LAMA2: variants seen among roughly 807,000 people sequenced by gnomAD.
The protein encoded by LAMA2 is laminin subunit alpha-2.
In LAMA2, 269 loss-of-function variants were observed where a neutral mutation model predicts 364.8. The observed-to-expected ratio is 0.74, with a 90% CI of 0.67 to 0.82. The LOEUF (loss-of-function observed/expected upper bound fraction) is 0.82, where lower values mean the gene tolerates loss of function less well. Among genes scored for constraint, LAMA2 ranks in the 40% least tolerant of loss-of-function variants. LAMA2 has a pLI of 0.00. For missense variants in LAMA2, 3,807 were observed against 3,873.2 expected, an observed-to-expected ratio of 0.98 and a Z score of 0.45; for synonymous variants, 1,379 against 1,370.6, an observed-to-expected ratio of 1.01 and a Z score of -0.14.
At chr6:129,311,091 C>G (rs983512538) in intron 22 of LAMA2, among the ~76,000 whole-genome samples, 1 of 151,912 alleles carries the variant, frequency 6.6e-6, no homozygotes, top group Non-Finnish European at 1.5e-5. Context: ...CCACTGGGCT[C>G]CCGTGCTAAA....
At chr6:128,960,481 C>G (rs1212554531) in intron 1 of LAMA2, among the ~76,000 whole-genome samples, 1 of 151,396 alleles carries the variant, frequency 6.6e-6, no homozygotes, top group African/African-American at 2.4e-5. Context: ...CCGCCGACCC[C>G]CATGAGTAGC....
chr6:129,005,183 T>C (rs1255497160), intron 1 of LAMA2, among the ~76,000 whole-genome samples: 2 of 152,076 alleles, frequency 1.3e-5, no homozygotes, highest in Non-Finnish European at 2.9e-5. Flanking sequence ...TAGTTAATTG[T>C]CAGTTTTTAT....
At chr6:129,159,742 T>A (rs1779344956) in intron 8 of LAMA2, among the ~76,000 whole-genome samples, 1 of 152,180 alleles carries the variant, frequency 6.6e-6, no homozygotes, top group African/African-American at 2.4e-5. Context: ...CATATTTTTT[T>A]ATGGACACCC....
At chr6:129,205,497 C>T (rs35764921) in intron 12 of LAMA2, among the ~76,000 whole-genome samples, 14,695 of 86,878 alleles carry the variant, frequency 0.17, 969 homozygotes, top group African/African-American at 0.3. Flanking sequence ...TATATATACA[C>T]ACACACACAC....
intron 62 of LAMA2, among the ~76,000 whole-genome samples, chr6:129,509,197 A>G (rs1037060229): frequency 6.6e-6 from 1 of 152,030 alleles, no homozygotes; most frequent in African/African-American, 2.4e-5. Flanking sequence ...TTTAAATAGG[A>G]TTATTAGATT....
Position 128,883,559 on chromosome 6 carries a change from C to A in LAMA2, c.112+202C>A, listed in dbSNP as rs567510152. On this transcript the variant is annotated intron_variant, in intron 1 of 64. Coordinates refer to ENST00000421865, the MANE Select transcript of LAMA2 (RefSeq NM_000426.4). ...TGTAGGGGGAATTACCTAAGTCCTG[C>A]AAAAGGAACGGGGAGTGCTTTTCAT... 2.0e-5 allele frequency among the ~76,000 whole-genome samples: 3 copies of A among 151,700 alleles called. No homozygotes were observed. The East Asian group carries it at 5.8e-4, about 29-fold the overall frequency.
intron 17 of LAMA2, among the ~76,000 whole-genome samples, chr6:129,274,387 A>G (rs1788156082): frequency 6.6e-6 from 1 of 151,900 alleles, no homozygotes; most frequent in Non-Finnish European, 1.5e-5. Context: ...AATCCTGAAG[A>G]CGAGATTTTA....
chr6:129,401,842 T>TATG (rs35131309), intron 38 of LAMA2, among the ~76,000 whole-genome samples: 1 of 38,000 alleles, frequency 2.6e-5, no homozygotes, highest in Admixed American at 2.2e-4. Flanking sequence ...TTTCCTAGTC[T>TATG]ATTCCATTAA....
chr6:129,065,612 A>G (rs968356547), intron 3 of LAMA2, among the ~76,000 whole-genome samples: 1 of 152,222 alleles, frequency 6.6e-6, no homozygotes, highest in African/African-American at 2.4e-5. Flanking sequence ...TAAACTAACG[A>G]GGAACTATCT....
chr6:129,510,838 C>T (rs1247184212), intron 62 of LAMA2, among the ~76,000 whole-genome samples: 3 of 152,032 alleles, frequency 2.0e-5, no homozygotes, highest in African/African-American at 7.2e-5. Context: ...ACCCCACCTA[C>T]AGGGAAGCAG....
chr6:129,502,593 C>G (rs1215002222), intron 58 of LAMA2, 66 bp from the exon 59 acceptor site: 1 of 965,466 alleles, frequency 1.0e-6, no homozygotes, highest in African/African-American at 1.6e-5. Context: ...AACAATTAGA[C>G]AGCATCATTA....
At position 129,402,399 on chromosome 6, in the gene LAMA2, G is replaced by A; in HGVS notation, c.5638G>A (p.Glu1880Lys). The A allele has an allele frequency of 1.2e-6, 2 of 1,614,006 alleles. No individual in the cohort carries two copies. The highest frequency in any genetic ancestry group is 8.5e-7 in the Non-Finnish European group (1 of 1,179,952). The change falls in exon 39 of 65, where the codon GAA becomes AAA. Residue 1880 changes from glutamate to lysine, a missense_variant. Coordinates refer to ENST00000421865, the MANE Select transcript of LAMA2 (RefSeq NM_000426.4). Reference protein sequence around the residue: ...LNDKIDDLSQEIKDRKLAEKV... With the variant: ...LNDKIDDLSQKIKDRKLAEKV... ...TGATAAAATAGATGACCTCTCCCAA[G>A]AAATAAAGGACAGGAAGCTTGCTGA... is the stretch of plus-strand genomic sequence containing the variant.
At chr6:129,081,495 G>A (rs1297330221) in intron 3 of LAMA2, among the ~76,000 whole-genome samples, 1 of 152,054 alleles carries the variant, frequency 6.6e-6, no homozygotes, top group Non-Finnish European at 1.5e-5. Context: ...CTATTCATTG[G>A]TCAATTTAAG....
At chr6:129,144,289 TG>T (rs1414603595) in intron 5 of LAMA2, among the ~76,000 whole-genome samples, 6 of 152,042 alleles carry the variant, frequency 3.9e-5, no homozygotes, top group Non-Finnish European at 7.4e-5. Flanking sequence ...TTATTACATG[TG>T]TAACATTTAT....
chr6:129,158,847 C>T, intron 8 of LAMA2: 1 of 1,613,914 alleles, frequency 6.2e-7, no homozygotes, highest in South Asian at 1.1e-5. Flanking sequence ...GTGGTTTCTC[C>T]CTGGTCATCT....
intron 1 of LAMA2, among the ~76,000 whole-genome samples, chr6:129,030,568 G>A (rs551378974): frequency 1.0e-3 from 159 of 152,160 alleles, no homozygotes; most frequent in African/African-American, 3.7e-3. Context: ...AAGACTCAAG[G>A]GATAAAGTGA....
chr6:129,037,720 AG>A (rs1786748186), intron 1 of LAMA2, among the ~76,000 whole-genome samples: 1 of 145,438 alleles, frequency 6.9e-6, no homozygotes, highest in African/African-American at 2.6e-5. Flanking sequence ...GGCTGGATGG[AG>A]TGCAGTGGCG....
chr6:128,927,049 T>C (rs1779146490), intron 1 of LAMA2, among the ~76,000 whole-genome samples: 2 of 152,138 alleles, frequency 1.3e-5, no homozygotes, highest in Admixed American at 1.3e-4. Context: ...AACATAGAGA[T>C]CTGGTGGATT....
chr6:128,906,782 G>T (rs1415959363), intron 1 of LAMA2, among the ~76,000 whole-genome samples: 10 of 150,244 alleles, frequency 6.7e-5, no homozygotes, highest in South Asian at 6.3e-4. Flanking sequence ...TAACGTTTAA[G>T]TCTTTAATCC....
Sources: gnomAD v4.1 joint callset for allele counts (sites outside exome capture counted in the v4.1 genomes callset) on GRCh38, gnomAD v4.1.1 for gene constraint, MANE v1.5 for transcripts, NCBI Gene and HGNC (gene_info 2026-07-23, HGNC 2026-07-21) for gene names.